The following MAPK14 variants were observed in gnomAD, a reference collection of about 807,000 sequenced individuals.
MAPK14 encodes mitogen-activated protein kinase 14.
MAPK14 carries 16 observed loss-of-function variants against 49.6 expected under a neutral mutation model. The ratio of observed to expected loss-of-function variants is 0.32; its 90% CI spans 0.22 to 0.49. The LOEUF (loss-of-function observed/expected upper bound fraction) is 0.49, where lower values mean the gene tolerates loss of function less well. Among genes scored for constraint, MAPK14 ranks in the 20% least tolerant of loss-of-function variants. The pLI is 0.99. For missense variants in MAPK14, 200 were observed against 441.2 expected (o/e 0.45, Z 4.90); for synonymous variants, 142 against 158.0 (o/e 0.90, Z 0.76).
At chr6:36,051,085 A>G (rs1166622198) in intron 1 of MAPK14, among the ~76,000 whole-genome samples, 1 of 151,920 alleles carries the variant, frequency 6.6e-6, no homozygotes, top group East Asian at 1.9e-4. Flanking sequence ...ATGAGGCATA[A>G]TGGAACTGGC....
chr6:36,056,870 G>T (rs920770621), intron 2 of MAPK14, among the ~76,000 whole-genome samples: 1 of 152,222 alleles, frequency 6.6e-6, no homozygotes, highest in East Asian at 1.9e-4. Context: ...GTAGAAGTGG[G>T]TATAAGGGAG....
At chr6:36,053,091 G>A (rs1353563881) in intron 2 of MAPK14, among the ~76,000 whole-genome samples, 1 of 151,378 alleles carries the variant, frequency 6.6e-6, no homozygotes, top group Admixed American at 6.6e-5. Flanking sequence ...GATATGTTAT[G>A]AAATACAACA....
In MAPK14 at chr6:36,036,202, A is replaced by T. The variant is rs1310580234; in HGVS notation, c.116+7929A>T. On this transcript the variant is annotated intron_variant, in intron 1 of 11. Transcript: ENST00000229794. ...AGTGAGCCACTGCAACCAAGTGGCA[A>T]CCGAGATCGTGCCACTGCACTCCAG... Among the ~76,000 whole-genome samples the T allele has an allele frequency of 3.4e-5, 5 of 148,086 alleles. No individual in the cohort carries two copies. The East Asian group carries it at 1.0e-3, about 30-fold the overall frequency.
chr6:36,075,267 C>G (rs961543128), intron 6 of MAPK14, among the ~76,000 whole-genome samples: 1 of 150,788 alleles, frequency 6.6e-6, no homozygotes, highest in African/African-American at 2.4e-5. Flanking sequence ...GTGTCCCTTC[C>G]TAGTCAATCC....
At chr6:36,029,097 A>G (rs1218707227) in intron 1 of MAPK14, 1 of 152,112 alleles carries the variant, frequency 6.6e-6, no homozygotes, top group Non-Finnish European at 1.5e-5. Context: ...TCTCATTTGG[A>G]GCAAGAAAGA....
At chr6:36,067,904 A>C (rs1330435302) in intron 3 of MAPK14, among the ~76,000 whole-genome samples, 1 of 152,172 alleles carries the variant, frequency 6.6e-6, no homozygotes, top group African/African-American at 2.4e-5. Flanking sequence ...TACAGGGAAC[A>C]AAAAATAACC....
the MAPK14 span, among the ~76,000 whole-genome samples, chr6:36,120,351 G>A: frequency 6.6e-6 from 1 of 152,060 alleles, no homozygotes; most frequent in African/African-American, 2.4e-5. Context: ...ACATCTCAGC[G>A]TTCTGCCTTG....
intron 1 of MAPK14, among the ~76,000 whole-genome samples, chr6:36,042,867 A>G (rs6937844): frequency 1.3e-5 from 2 of 151,712 alleles, no homozygotes; most frequent in Non-Finnish European, 2.9e-5. Flanking sequence ...CAATCCCAGC[A>G]CTTTGGCAGG....
Position 36,107,775 on chromosome 6 carries a change from G to C in MAPK14, c.1015+147G>C. 1.9e-6 allele frequency: 1 copy of C among 528,420 alleles called. No individual in the cohort carries two copies. Among genetic ancestry groups the C allele is most frequent in the Non-Finnish European group, 3.2e-6 (1 of 313,944 alleles). 32.7% of individuals were successfully genotyped at this position (528,420 alleles called of 1,614,324 possible). A position where few individuals can be genotyped will look rare whatever the true frequency, so the allele number is the denominator to read the frequency against. On this transcript the variant is annotated intron_variant, in intron 11 of 11. Coordinates refer to ENST00000229794, the MANE Select transcript of MAPK14 (RefSeq NM_139012.3). This position sits in a 1 kb window ranked among gnomAD's most constrained non-coding sequence, Gnocchi z 4.3. ...AATATGTTCTCTGGTGGAAACTGTTGTAGACAGTGATACTCTCTGGACCTT... is the reference window on the plus strand; with the variant it reads ...AATATGTTCTCTGGTGGAAACTGTTCTAGACAGTGATACTCTCTGGACCTT...
At chr6:36,089,409 A>G (rs1765127840) in intron 8 of MAPK14, among the ~76,000 whole-genome samples, 1 of 152,210 alleles carries the variant, frequency 6.6e-6, no homozygotes, top group Non-Finnish European at 1.5e-5. Flanking sequence ...GAGGGAACGC[A>G]TCAGGATAAA....
intron 1 of MAPK14, among the ~76,000 whole-genome samples, chr6:36,036,328 G>T (rs1762751026): frequency 6.6e-6 from 1 of 152,010 alleles, no homozygotes; most frequent in African/African-American, 2.4e-5. Flanking sequence ...GTTTCTTGAG[G>T]TGGAATCTGC....
chr6:36,043,378 T>A (rs886634792), intron 1 of MAPK14, among the ~76,000 whole-genome samples: 2 of 152,196 alleles, frequency 1.3e-5, no homozygotes, highest in African/African-American at 2.4e-5. Flanking sequence ...TTGAAGAATA[T>A]TTTTTGAGGT....
At chr6:36,123,592 G>A in the MAPK14 span, among the ~76,000 whole-genome samples, 1 of 152,252 alleles carries the variant, frequency 6.6e-6, no homozygotes, top group Admixed American at 6.5e-5. Context: ...GGTTGGTTCA[G>A]TCACTAAGTC....
chr6:36,075,568 G>A (rs1764498856), intron 6 of MAPK14, among the ~76,000 whole-genome samples: 1 of 152,168 alleles, frequency 6.6e-6, no homozygotes, highest in Non-Finnish European at 1.5e-5. Flanking sequence ...AACTGTGAAT[G>A]TTTATGTGCA....
At chr6:36,072,717 A>G (rs1764354196) in intron 3 of MAPK14, among the ~76,000 whole-genome samples, 156 bp from the exon 4 acceptor site, 1 of 152,128 alleles carries the variant, frequency 6.6e-6, no homozygotes, top group Admixed American at 6.6e-5. Context: ...GTGAGCTGAG[A>G]TTGCGCCACT....
intron 3 of MAPK14, among the ~76,000 whole-genome samples, chr6:36,066,015 T>G (rs77000375): frequency 0.017 from 2,649 of 152,322 alleles, 76 homozygotes; most frequent in African/African-American, 0.06. Context: ...CAGGGTCTTA[T>G]GCTTATGAGT....
At chr6:36,115,023 C>G (rs1246115969), downstream of MAPK14, among the ~76,000 whole-genome samples, 1 of 152,126 alleles carries the variant, frequency 6.6e-6, no homozygotes, top group Non-Finnish European at 1.5e-5. Context: ...GTCTCTAAAG[C>G]CAACTGGGGA....
At chr6:36,084,487 G>A (rs1366240529) in intron 8 of MAPK14, among the ~76,000 whole-genome samples, 1 of 152,136 alleles carries the variant, frequency 6.6e-6, no homozygotes, top group Non-Finnish European at 1.5e-5. Flanking sequence ...AGAATAACCA[G>A]TTTAGAAAGG....
At chr6:36,106,225 T>C (rs1408104859) in intron 10 of MAPK14, among the ~76,000 whole-genome samples, 1 of 152,094 alleles carries the variant, frequency 6.6e-6, no homozygotes, top group Non-Finnish European at 1.5e-5. Context: ...TAACTTCCGG[T>C]TTTTGGGAAG....
Sources: allele counts gnomAD v4.1 joint callset (sites outside exome capture counted in the v4.1 genomes callset), GRCh38; gene constraint gnomAD v4.1.1; non-coding constraint Gnocchi (gnomAD v3.1); transcripts MANE v1.5; gene names NCBI Gene and HGNC (gene_info 2026-07-23, HGNC 2026-07-21).